Variants in MED27 observed in about 807,000 individuals in gnomAD.
MED27 encodes mediator complex subunit 27.
In MED27, 30 loss-of-function variants were observed where a neutral mutation model predicts 38.2. The ratio of observed to expected loss-of-function variants is 0.79; its 90% CI spans 0.59 to 1.07. The LOEUF (loss-of-function observed/expected upper bound fraction) is 1.07. Among genes scored for constraint, MED27 ranks in the 50% least tolerant of loss-of-function variants. MED27 has a pLI of 0.00. For missense variants in MED27, 289 were observed against 397.5 expected (o/e 0.73, Z 2.32); for synonymous variants, 122 against 153.5 (o/e 0.79, Z 1.52).
chr9:131,999,463 C>T (rs1832172932), intron 3 of MED27, among the ~76,000 whole-genome samples: 1 of 152,116 alleles, frequency 6.6e-6, no homozygotes, highest in Non-Finnish European at 1.5e-5. Context: ...ATGAACAGGA[C>T]AATGGGGGTC....
At chr9:131,987,830 G>A (rs771468609) in intron 3 of MED27, among the ~76,000 whole-genome samples, 14 of 152,218 alleles carry the variant, frequency 9.2e-5, no homozygotes, top group African/African-American at 4.8e-5. Flanking sequence ...TGGGGCAGTG[G>A]GGAAAGCAGT....
At chr9:132,076,258 C>T (rs1325776943) in intron 2 of MED27, among the ~76,000 whole-genome samples, 1 of 151,900 alleles carries the variant, frequency 6.6e-6, no homozygotes, top group Admixed American at 6.6e-5. Flanking sequence ...CCAATGAAGG[C>T]CCCATGCTTT....
intron 2 of MED27, among the ~76,000 whole-genome samples, chr9:132,037,460 G>C (rs755580520): frequency 7.9e-5 from 12 of 152,138 alleles, no homozygotes; most frequent in Non-Finnish European, 1.6e-4. Context: ...CAACAGAAGA[G>C]TAATCTAGGC....
intron 2 of MED27, among the ~76,000 whole-genome samples, chr9:132,063,615 G>C (rs189653834): frequency 2.6e-5 from 4 of 152,276 alleles, no homozygotes; most frequent in Admixed American, 2.0e-4. Context: ...GAAAAACAAG[G>C]GATAGGGGAA....
chr9:131,953,305 G>A (rs999396254), intron 3 of MED27, among the ~76,000 whole-genome samples: 1 of 152,190 alleles, frequency 6.6e-6, no homozygotes, highest in Non-Finnish European at 1.5e-5. Context: ...TAGCCACAAA[G>A]TAGTCCTTCT....
intron 3 of MED27, among the ~76,000 whole-genome samples, chr9:131,981,329 T>G (rs1831731147): frequency 6.6e-6 from 1 of 152,230 alleles, no homozygotes; most frequent in Non-Finnish European, 1.5e-5. Flanking sequence ...GACGTTTTCC[T>G]TCAAAACTGG....
At position 131,913,516 on chromosome 9, in the gene MED27, A is replaced by G. The variant is rs1049056123; in HGVS notation, c.574-19524T>C. ...GGCATATTAAGTGGTAGCAGTCATCAGAATAATATTCACAGTGGCAGGGGC... is the reference window on the plus strand; with the variant it reads ...GGCATATTAAGTGGTAGCAGTCATCGGAATAATATTCACAGTGGCAGGGGC... On this transcript the variant is annotated intron_variant, in intron 4 of 7. Coordinates refer to ENST00000292035, the MANE Select transcript of MED27 (RefSeq NM_004269.4). The surrounding 1 kb of genome is among the most constrained non-coding windows in gnomAD (Gnocchi z 4.5). Among the ~76,000 whole-genome samples, 32 of 152,236 alleles carry G rather than the reference A, an allele frequency of 2.1e-4. No individual in the cohort carries two copies. Among genetic ancestry groups the G allele is most frequent in the African/African-American group, 7.7e-4 (32 of 41,470 alleles).
intron 4 of MED27, among the ~76,000 whole-genome samples, chr9:131,901,124 G>T (rs1829939233): frequency 6.6e-6 from 1 of 150,378 alleles, no homozygotes; most frequent in South Asian, 2.1e-4. Context: ...GGGGAGAGAA[G>T]AAGGAAGGGT....
intron 2 of MED27, among the ~76,000 whole-genome samples, chr9:132,058,650 T>G (rs1833633340): frequency 6.6e-6 from 1 of 152,162 alleles, no homozygotes; most frequent in Non-Finnish European, 1.5e-5. Context: ...AATTACCTAG[T>G]CTCAGGTATT....
chr9:132,074,926 G>C (rs1834013719), intron 2 of MED27, among the ~76,000 whole-genome samples: 1 of 152,212 alleles, frequency 6.6e-6, no homozygotes, highest in Non-Finnish European at 1.5e-5. Context: ...CCAGAACAGA[G>C]AGTTACAAGG....
rs955945288 is a variant in MED27 at position 132,034,491 on chromosome 9, C to T, written c.349-20024G>A. Among the ~76,000 whole-genome samples, 45 of 152,168 alleles carry T rather than the reference C, an allele frequency of 3.0e-4. 1 individual carries two copies. The highest frequency in any genetic ancestry group is 7.3e-5 in the Non-Finnish European group (5 of 68,038). On this transcript the variant is annotated intron_variant, in intron 2 of 7. Transcript: ENST00000292035. Reference sequence around the variant, plus strand: ...CAGCGCTCTGTCCAAGGTCAAAGGGCAACTTAAGAAATGTTCTGGAAAGAT... The same window carrying T: ...CAGCGCTCTGTCCAAGGTCAAAGGGTAACTTAAGAAATGTTCTGGAAAGAT...
chr9:132,045,909 G>C (rs963946224), intron 2 of MED27, among the ~76,000 whole-genome samples: 1 of 152,086 alleles, frequency 6.6e-6, no homozygotes, highest in African/African-American at 2.4e-5. Flanking sequence ...CTTCCTCCAG[G>C]TTGCTGCTAG....
At chr9:132,014,589 ATACAAC>A in intron 2 of MED27, 122 bp from the exon 3 acceptor site, 2 of 953,544 alleles carry the variant, frequency 2.1e-6, no homozygotes, top group Non-Finnish European at 3.0e-6. Context: ...GTAACTTCAA[ATACAAC>A]TGCTCACATT....
rs561410997 is a variant in MED27 at position 131,982,021 on chromosome 9, T to C, written c.479+32316A>G. On this transcript the variant is annotated intron_variant, in intron 3 of 7. Transcript: ENST00000292035. The surrounding 1 kb of genome is among the most constrained non-coding windows in gnomAD (Gnocchi z 4.3). ...CTATCAGCAGCAGTAGCAGAAGTGGTAGATACCACTTATCATGCACTTCCC... is the reference window on the plus strand; with the variant it reads ...CTATCAGCAGCAGTAGCAGAAGTGGCAGATACCACTTATCATGCACTTCCC... Among the ~76,000 whole-genome samples, 1 of 152,324 alleles carries C rather than the reference T, an allele frequency of 6.6e-6. No homozygotes were observed. Among genetic ancestry groups the C allele is most frequent in the African/African-American group, 2.4e-5 (1 of 41,566 alleles).
chr9:132,040,145 G>A (rs1257053697), intron 2 of MED27, among the ~76,000 whole-genome samples: 1 of 152,200 alleles, frequency 6.6e-6, no homozygotes, highest in African/African-American at 2.4e-5. Context: ...TTGATGACCT[G>A]TGAGATTTCA....
intron 2 of MED27, among the ~76,000 whole-genome samples, chr9:132,076,790 G>A (rs540710454): frequency 4.3e-4 from 65 of 152,298 alleles, no homozygotes; most frequent in South Asian, 1.7e-3. Context: ...CAAACGAACC[G>A]TTTCCAGATT....
At chr9:131,986,113 A>G (rs909706058) in intron 3 of MED27, among the ~76,000 whole-genome samples, 4 of 152,224 alleles carry the variant, frequency 2.6e-5, no homozygotes, top group Non-Finnish European at 4.4e-5. Flanking sequence ...AACAAAATGT[A>G]AAAGTTTATA....
intron 2 of MED27, among the ~76,000 whole-genome samples, chr9:132,039,900 G>A (rs1833170605): frequency 6.6e-6 from 1 of 152,190 alleles, no homozygotes; most frequent in Non-Finnish European, 1.5e-5. Context: ...TAGTACTTCT[G>A]TGGCCTCTCT....
At chr9:131,983,421 G>A (rs953519965) in intron 3 of MED27, among the ~76,000 whole-genome samples, 73 of 152,320 alleles carry the variant, frequency 4.8e-4, no homozygotes, top group Non-Finnish European at 2.5e-4. Flanking sequence ...CAAACTTTCT[G>A]TCACTAAATA....
Sources: allele counts gnomAD v4.1 joint callset (sites outside exome capture counted in the v4.1 genomes callset), GRCh38; gene constraint gnomAD v4.1.1; non-coding constraint Gnocchi (gnomAD v3.1); transcripts MANE v1.5; gene names NCBI Gene and HGNC (gene_info 2026-07-23, HGNC 2026-07-21).